SLA: variants seen among roughly 807,000 people sequenced by gnomAD.
SLA encodes the protein src-like-adapter.
Under a neutral mutation model 30.3 loss-of-function variants are expected in SLA, and 16 were observed. The ratio of observed to expected loss-of-function variants is 0.53; its 90% CI spans 0.36 to 0.80. The LOEUF is 0.80. Among genes scored for constraint, SLA ranks in the 30% least tolerant of loss-of-function variants. SLA has a pLI of 0.01. For synonymous variants in SLA, 143 were observed against 137.8 expected (o/e 1.04, Z -0.26); for missense variants, 310 against 345.2 (o/e 0.90, Z 0.81).
In SLA at chr8:133,098,979, A is replaced by G. The variant is rs545013061; in HGVS notation, c.-319+3574T>C. On this transcript the variant is annotated intron_variant, in intron 1 of 8. Transcript: ENST00000338087. ...CCAGCCAGAGACCTGAATCCAGAGG[A>G]CTGGGATCTCTACTCAAGGATGCAT... Among the ~76,000 whole-genome samples the G allele has an allele frequency of 3.9e-5, 6 of 152,338 alleles. No individual in the cohort carries two copies. In the East Asian group the frequency reaches 1.2e-3, roughly 29 times the overall value.
intron 2 of SLA, among the ~76,000 whole-genome samples, chr8:133,064,650 TG>T (rs1564140810): frequency 1.3e-5 from 2 of 152,360 alleles, no homozygotes; most frequent in East Asian, 3.9e-4. Flanking sequence ...GGTCACATAC[TG>T]GCATGGCGTT....
intron 2 of SLA, among the ~76,000 whole-genome samples, chr8:133,071,345 G>C (rs2131430902): frequency 6.6e-6 from 1 of 152,322 alleles, no homozygotes; most frequent in East Asian, 1.9e-4. Flanking sequence ...GGTGGTACTG[G>C]AATCCAGGCA....
intron 2 of SLA, among the ~76,000 whole-genome samples, chr8:133,064,753 A>G (rs1842827696): frequency 6.6e-6 from 1 of 152,166 alleles, no homozygotes; most frequent in African/African-American, 2.4e-5. Flanking sequence ...TGTGCTCTGC[A>G]TTATCTCATA....
At chr8:133,096,211 G>A (rs1437201582) in intron 1 of SLA, 1 of 1,614,108 alleles carries the variant, frequency 6.2e-7, no homozygotes, top group African/African-American at 1.3e-5. Context: ...TGCAGCTCCT[G>A]GCCGTGAGTG....
At chr8:133,099,036 G>A (rs1039108628) in intron 1 of SLA, among the ~76,000 whole-genome samples, 4 of 152,178 alleles carry the variant, frequency 2.6e-5, no homozygotes, top group African/African-American at 9.7e-5. Context: ...TCCCTCTAAG[G>A]TTTTTAAGGA....
At chr8:133,097,409 C>G (rs1415297340) in intron 1 of SLA, among the ~76,000 whole-genome samples, 3 of 152,146 alleles carry the variant, frequency 2.0e-5, no homozygotes, top group African/African-American at 7.2e-5. Flanking sequence ...AAATTGGAAG[C>G]AACTCAAATG....
rs1837319058 is a variant in SLA at position 133,037,575 on chromosome 8, G to C, written c.*949C>G. ...AGCTGATTTCTCTTTTTACACATTTGTTTATACATTTTTTCCCTGTCTACA... is the reference window on the plus strand; with the variant it reads ...AGCTGATTTCTCTTTTTACACATTTCTTTATACATTTTTTCCCTGTCTACA... On this transcript the variant is annotated 3_prime_UTR_variant, in exon 9 of 9. Coordinates refer to ENST00000338087, the MANE Select transcript of SLA (RefSeq NM_001045556.3). 6.6e-6 allele frequency: 1 copy of C among 151,266 alleles called. No individual in the cohort carries two copies. Among genetic ancestry groups the C allele is most frequent in the African/African-American group, 2.4e-5 (1 of 41,120 alleles). 9.4% of individuals were successfully genotyped at this position (151,266 alleles called of 1,614,324 possible).
At chr8:133,045,979 G>A (rs1372310936) in intron 6 of SLA, among the ~76,000 whole-genome samples, 1 of 152,108 alleles carries the variant, frequency 6.6e-6, no homozygotes, top group Non-Finnish European at 1.5e-5. Context: ...CAGAAATCTG[G>A]AGAAGCTGAG....
intron 1 of SLA, among the ~76,000 whole-genome samples, chr8:133,092,839 A>C (rs1461696332): frequency 2.0e-5 from 3 of 152,240 alleles, no homozygotes; most frequent in Non-Finnish European, 2.9e-5. Context: ...TTCCACGGTG[A>C]AAAAGGTTTC....
chr8:133,095,145 C>A (rs1444653329), intron 1 of SLA: 1 of 1,614,208 alleles, frequency 6.2e-7, no homozygotes, highest in Non-Finnish European at 8.5e-7. Flanking sequence ...TGTCATCCAG[C>A]CAAGAAGTGG....
chr8:133,047,998 C>T lies in SLA; in HGVS notation c.249-65G>A, dbSNP rs185525298. ...CCCTCCCCCAGGAAAGGCAGGAATGCGCCACCCACCGTACTAAGCACCTGA... is the reference window on the plus strand; with the variant it reads ...CCCTCCCCCAGGAAAGGCAGGAATGTGCCACCCACCGTACTAAGCACCTGA... On this transcript the variant is annotated intron_variant, in intron 5 of 8. Coordinates refer to ENST00000338087, the MANE Select transcript of SLA (RefSeq NM_001045556.3). The T allele has an allele frequency of 9.9e-5, 90 of 913,524 alleles. 1 individual carries two copies. The Admixed American group carries it at 1.1e-3, about 11-fold the overall frequency. 56.6% of individuals were successfully genotyped at this position (913,524 alleles called of 1,614,324 possible). A position where few individuals can be genotyped will look rare whatever the true frequency, so the allele number is the denominator to read the frequency against.
intron 1 of SLA, among the ~76,000 whole-genome samples, chr8:133,101,524 C>T (rs992216464): frequency 6.6e-6 from 1 of 152,182 alleles, no homozygotes; most frequent in Non-Finnish European, 1.5e-5. Flanking sequence ...TCCTTTGATA[C>T]CCACCCAGCC....
Position 133,037,404 on chromosome 8 carries a change from A to T in SLA, c.*1120T>A, listed in dbSNP as rs1837290911. 1 of 152,122 alleles carries T rather than the reference A, an allele frequency of 6.6e-6. No homozygotes were observed. Among genetic ancestry groups the T allele is most frequent in the South Asian group, 2.1e-4 (1 of 4,818 alleles). The allele number at this position is 152,122 out of a possible 1,614,324, so 9.4% of individuals were successfully genotyped here. On this transcript the variant is annotated 3_prime_UTR_variant, in exon 9 of 9. Coordinates refer to ENST00000338087, the MANE Select transcript of SLA (RefSeq NM_001045556.3). ...CTTAGAATAAAGTACCGGGTGAGTT[A>T]ATTCTTTAGACTGTATCCATTTCTT...
At chr8:133,061,917 C>G (rs995813874) in intron 2 of SLA, among the ~76,000 whole-genome samples, 1 of 152,184 alleles carries the variant, frequency 6.6e-6, no homozygotes, top group Non-Finnish European at 1.5e-5. Context: ...TATTAAGAAA[C>G]AAGGAACACC....
chr8:133,039,553 C>T (rs1022522572), intron 8 of SLA, among the ~76,000 whole-genome samples: 1 of 152,074 alleles, frequency 6.6e-6, no homozygotes, highest in Admixed American at 6.5e-5. Context: ...CAGAACAAAT[C>T]CATGAAAGTT....
intron 2 of SLA, among the ~76,000 whole-genome samples, chr8:133,072,703 A>T (rs10113099): frequency 0.19 from 29,388 of 152,248 alleles, 3,133 homozygotes; most frequent in Non-Finnish European, 0.24. Flanking sequence ...TTCTGTCTTT[A>T]AAAAGGCTCA....
chr8:133,045,628 C>A (rs939290964), intron 6 of SLA, among the ~76,000 whole-genome samples: 1 of 152,098 alleles, frequency 6.6e-6, no homozygotes, highest in African/African-American at 2.4e-5. Context: ...CTCCTGGACT[C>A]AAGTGATCCG....
In SLA at chr8:133,066,851, C is replaced by T. The variant is rs138350956; in HGVS notation, c.-40-6651G>A. 4.7e-3 allele frequency among the ~76,000 whole-genome samples: 709 copies of T among 152,296 alleles called. 10 individuals carry two copies. Among genetic ancestry groups the T allele is most frequent in the African/African-American group, 0.016 (681 of 41,552 alleles). ...TGGTAAATGGCAGCTAAAAATTTAC[C>T]AAAGCTAGATCCCGTGCAGGGGCTG... is the stretch of plus-strand genomic sequence containing the variant. On this transcript the variant is annotated intron_variant, in intron 2 of 8. Transcript: ENST00000338087.
chr8:133,100,851 A>T (rs536360415), intron 1 of SLA, among the ~76,000 whole-genome samples: 1 of 152,300 alleles, frequency 6.6e-6, no homozygotes, highest in South Asian at 2.1e-4. Context: ...TAATTTTAAA[A>T]TTTCAATAGC....
Sources: allele counts gnomAD v4.1 joint callset (sites outside exome capture counted in the v4.1 genomes callset), GRCh38; gene constraint gnomAD v4.1.1; transcripts MANE v1.5; gene names NCBI Gene and HGNC (gene_info 2026-07-23, HGNC 2026-07-21).